IRAG2: variants seen among roughly 807,000 people sequenced by gnomAD.
IRAG2 encodes lymphoid restricted membrane protein.
Under a neutral mutation model 69.9 loss-of-function variants are expected in IRAG2, and 45 were observed. The observed-to-expected ratio is 0.64, with a 90% CI of 0.51 to 0.83. The LOEUF (loss-of-function observed/expected upper bound fraction) is 0.83, where lower values mean the gene tolerates loss of function less well. Among genes scored for constraint, IRAG2 ranks in the 40% least tolerant of loss-of-function variants. IRAG2 has a pLI of 0.00. For synonymous variants in IRAG2, 193 were observed against 202.4 expected (o/e 0.95, Z 0.40); for missense variants, 520 against 587.0 (o/e 0.89, Z 1.18).
At chr12:25,078,119 G>A (rs1406898452) in intron 6 of IRAG2, among the ~76,000 whole-genome samples, 3 of 152,076 alleles carry the variant, frequency 2.0e-5, no homozygotes, top group Non-Finnish European at 4.4e-5. Flanking sequence ...CTTATTAACT[G>A]GCCTTCATTT....
chr12:25,018,193 C>CTTTTTTTTTT (rs56659655), intron 6 of IRAG2, among the ~76,000 whole-genome samples: 6 of 105,512 alleles, frequency 5.7e-5, no homozygotes, highest in Non-Finnish European at 7.2e-5. Flanking sequence ...TTTCTTTCTT[C>CTTTTTTTTTT]TTTTTTTTTT....
At chr12:25,090,848 T>C (rs1220987291) in intron 14 of IRAG2, 1 of 454,666 alleles carries the variant, frequency 2.2e-6, no homozygotes, top group Non-Finnish European at 4.4e-6. Context: ...AACTGAGCAA[T>C]AGGAAATATC....
chr12:25,090,572 A>T (rs762114955), intron 14 of IRAG2, among the ~76,000 whole-genome samples: 4 of 152,100 alleles, frequency 2.6e-5, no homozygotes, highest in Non-Finnish European at 5.9e-5. Context: ...CACCCACAGA[A>T]AACATTTGGT....
At chr12:25,022,401 G>T (rs529790883) in intron 7 of IRAG2, among the ~76,000 whole-genome samples, 24 of 152,218 alleles carry the variant, frequency 1.6e-4, no homozygotes, top group African/African-American at 5.5e-4. Flanking sequence ...GGCTGAGGTG[G>T]GAGGATTGCT....
At chr12:25,000,590 G>A (rs908166008), upstream of IRAG2, among the ~76,000 whole-genome samples, 1 of 152,110 alleles carries the variant, frequency 6.6e-6, no homozygotes, top group Non-Finnish European at 1.5e-5. Context: ...GAATAGCCAC[G>A]GCTCTACAGC....
chr12:25,104,223 AG>A (rs1272996826), intron 19 of IRAG2, 137 bp from the exon 20 acceptor site: 1 of 835,102 alleles, frequency 1.2e-6, no homozygotes, highest in Non-Finnish European at 1.9e-6. Context: ...TTTATCATAA[AG>A]TAGGAGATCT....
chr12:25,063,887 GTTA>G (rs1207655772), intron 4 of IRAG2, 71 bp downstream of exon 4: 1 of 398,514 alleles, frequency 2.5e-6, no homozygotes, highest in African/African-American at 2.1e-5. Flanking sequence ...AAAATAACTA[GTTA>G]TTATTACATT....
upstream of IRAG2, chr12:25,052,335 G>A (rs1591942889): frequency 2.5e-6 from 1 of 398,670 alleles, no homozygotes; most frequent in East Asian, 3.6e-5. Flanking sequence ...ACGGCTGGAG[G>A]ATGTGGAGGA....
intron 21 of IRAG2, among the ~76,000 whole-genome samples, chr12:25,107,253 C>A (rs1174167497): frequency 1.3e-5 from 2 of 152,158 alleles, no homozygotes; most frequent in African/African-American, 4.8e-5. Context: ...ATAACTTTTA[C>A]TGTAATATAT....
intron 7 of IRAG2, chr12:25,021,095 T>TC (rs1052891705): frequency 3.2e-5 from 12 of 377,466 alleles, no homozygotes; most frequent in Middle Eastern, 6.6e-4. Context: ...TCTTTTCTTT[T>TC]TTTTTTTTTC....
chr12:25,093,094 C>T (rs73079611), intron 14 of IRAG2: 17,636 of 153,094 alleles, frequency 0.12, 1,370 homozygotes, highest in Admixed American at 0.16. Context: ...GTGTTTCTTA[C>T]AAATTTTAGA....
chr12:25,017,716 TCAAAAAAAAAACCAA>T (rs1944542464), intron 6 of IRAG2, among the ~76,000 whole-genome samples: 1 of 125,502 alleles, frequency 8.0e-6, no homozygotes, highest in Non-Finnish European at 1.8e-5. Context: ...AGACTCTGTC[TCAAAAAAAAAACCAA>T]CAAAAAAAAA....
At chr12:25,005,346 A>G (rs1944423031) in exon 2 of IRAG2, 2 of 1,218,132 alleles carry the variant, frequency 1.6e-6, no homozygotes, top group African/African-American at 1.6e-5. Flanking sequence ...TGTGACATCA[A>G]ACGGAAAGGT....
upstream of IRAG2, among the ~76,000 whole-genome samples, chr12:25,002,921 C>T (rs1160330541): frequency 1.1e-4 from 16 of 152,092 alleles, no homozygotes; most frequent in Admixed American, 2.6e-4. Flanking sequence ...GGATTACAGG[C>T]GTGAGCCACC....
intron 10 of IRAG2, among the ~76,000 whole-genome samples, chr12:25,087,712 G>A (rs1947730455): frequency 6.6e-6 from 1 of 152,130 alleles, no homozygotes. Context: ...AGGCTGTTAG[G>A]AATTGCGCCG....
At chr12:24,998,966 T>A in the IRAG2 span, among the ~76,000 whole-genome samples, 1 of 152,216 alleles carries the variant, frequency 6.6e-6, no homozygotes, top group Admixed American at 6.5e-5. Context: ...GCCTTTTGAA[T>A]CACCCTGAAA....
At chr12:25,053,212 T>G (rs1156687906) in intron 1 of IRAG2, among the ~76,000 whole-genome samples, 1 of 151,768 alleles carries the variant, frequency 6.6e-6, no homozygotes, top group East Asian at 1.9e-4. Context: ...TTTTTTCTTT[T>G]AAAATTAATT....
At chr12:25,062,186 ACAGCAAGG>A in intron 2 of IRAG2, among the ~76,000 whole-genome samples, 1 of 152,218 alleles carries the variant, frequency 6.6e-6, no homozygotes, top group Non-Finnish European at 1.5e-5. Context: ...ACATAAGGGA[ACAGCAAGG>A]CAGCAAGGTT....
rs967118393 is a variant in IRAG2, at chr12:25,090,128, A to C, written c.537A>C (p.Glu179Asp). 1 of 1,613,776 alleles carries C rather than the reference A, an allele frequency of 6.2e-7. No individual in the cohort carries two copies. Among genetic ancestry groups the C allele is most frequent in the Non-Finnish European group, 8.5e-7 (1 of 1,179,726 alleles). Residue 179 changes from glutamate to aspartate, a missense_variant, in exon 14 of 22, where the codon GAA (glutamate) becomes GAC (aspartate). Coordinates refer to ENST00000556887, the MANE Select transcript of IRAG2 (RefSeq NM_001366544.2). ...CCTTGGAGAAGAGAGTGAAGCTTGA[A>C]GAGAGGTCCCGTGACTTGGCAGAAG... ...WFTLEKRVKL[E>D]ERSRDLAEEN...
Sources: gnomAD v4.1 joint callset for allele counts (sites outside exome capture counted in the v4.1 genomes callset) on GRCh38, gnomAD v4.1.1 for gene constraint, MANE v1.5 for transcripts, NCBI Gene and HGNC (gene_info 2026-07-23, HGNC 2026-07-21) for gene names.